Variants in PGM1 observed in about 807,000 individuals in gnomAD.
PGM1 encodes phosphoglucomutase-1.
Under a neutral mutation model 55.6 loss-of-function variants are expected in PGM1, and 52 were observed. The ratio of observed to expected loss-of-function variants is 0.94; its 90% CI spans 0.75 to 1.18. PGM1 has a LOEUF of 1.18. PGM1 is among the 50% of genes most tolerant of loss of function. PGM1 has a pLI of 0.00. For missense variants in PGM1, 724 were observed against 729.3 expected (o/e 0.99, Z 0.08); for synonymous variants, 287 against 271.7 (o/e 1.06, Z -0.55).
chr1:63,620,309 C>T (rs1648848352), intron 1 of PGM1, among the ~76,000 whole-genome samples: 1 of 152,202 alleles, frequency 6.6e-6, no homozygotes, highest in African/African-American at 2.4e-5. Flanking sequence ...CCGTTTTCCA[C>T]TCTTGGGGAC....
Position 63,628,501 on chromosome 1 carries a change from C to T in PGM1, c.247-924C>T, listed in dbSNP as rs1037498730. On this transcript the variant is annotated intron_variant, in intron 1 of 10. Transcript: ENST00000371084. Reference sequence around the variant, plus strand: ...ACGGACATTTTCAACACTAGAAACACATCTTCCACCATCAAGTTGTTTCTT... The same window carrying T: ...ACGGACATTTTCAACACTAGAAACATATCTTCCACCATCAAGTTGTTTCTT... Among the ~76,000 whole-genome samples, 14 of 152,186 alleles carry T rather than the reference C, an allele frequency of 9.2e-5. No individual in the cohort carries two copies. The East Asian group carries it at 2.7e-3, about 29-fold the overall frequency.
chr1:63,623,399 A>C (rs1648935530), intron 1 of PGM1: 1 of 1,566,728 alleles, frequency 6.4e-7, no homozygotes, highest in Admixed American at 1.9e-5. Flanking sequence ...GGACAGACCT[A>C]TTTTGGAGTC....
intron 9 of PGM1, among the ~76,000 whole-genome samples, chr1:63,652,981 T>C (rs972554647): frequency 4.6e-5 from 7 of 152,174 alleles, no homozygotes; most frequent in African/African-American, 1.4e-4. Context: ...AGCTGAGGGA[T>C]GGCAGAGTGG....
chr1:63,659,353 G>A (rs896728499), intron 10 of PGM1, among the ~76,000 whole-genome samples: 1 of 152,206 alleles, frequency 6.6e-6, no homozygotes, highest in Non-Finnish European at 1.5e-5. Flanking sequence ...AGAGGAAGAT[G>A]TCAGGAGCAA....
intron 1 of PGM1, among the ~76,000 whole-genome samples, chr1:63,627,305 A>G (rs1649051337): frequency 6.6e-6 from 1 of 152,090 alleles, no homozygotes; most frequent in Non-Finnish European, 1.5e-5. Flanking sequence ...GGGACACAGA[A>G]TTATGATTTA....
At chr1:63,606,383 A>G (rs1001703525) in intron 1 of PGM1, among the ~76,000 whole-genome samples, 2 of 152,176 alleles carry the variant, frequency 1.3e-5, no homozygotes, top group African/African-American at 2.4e-5. Flanking sequence ...CCTTCCTTTC[A>G]TATCCTGGGT....
chr1:63,642,123 G>A (rs921450349), intron 7 of PGM1, among the ~76,000 whole-genome samples: 1 of 152,150 alleles, frequency 6.6e-6, no homozygotes, highest in Non-Finnish European at 1.5e-5. Context: ...GGTCTTTGCG[G>A]GAAGAAATGC....
chr1:63,604,958 TG>T lies in PGM1; in HGVS notation c.246+11225del, dbSNP rs1295089493. Among the ~76,000 whole-genome samples, 488 of 134,570 alleles carry T rather than the reference TG, an allele frequency of 3.6e-3. 4 individuals are homozygous for T. Among genetic ancestry groups the T allele is most frequent in the African/African-American group, 0.015 (429 of 29,272 alleles). 88.3% of individuals were successfully genotyped at this position (134,570 alleles called of 152,430 possible). ...GTGTGTGTGTGTGTGTGTGTGTGTG[TG>T]TAAAGAGAGGGGATATAGTTGTATA... On this transcript the variant is annotated intron_variant, in intron 1 of 10. Coordinates refer to ENST00000371084, the MANE Select transcript of PGM1 (RefSeq NM_002633.3).
chr1:63,636,982 G>T (rs189076780), intron 6 of PGM1, among the ~76,000 whole-genome samples: 49 of 152,266 alleles, frequency 3.2e-4, no homozygotes, highest in Non-Finnish European at 5.7e-4. Flanking sequence ...AGGCTTTGAG[G>T]TGGCTTGTTA....
intron 10 of PGM1, among the ~76,000 whole-genome samples, chr1:63,656,948 T>A (rs1649984741): frequency 6.6e-6 from 1 of 152,160 alleles, no homozygotes; most frequent in Non-Finnish European, 1.5e-5. Context: ...TGAAATGTAC[T>A]AGGAGAATAG....
intron 5 of PGM1, among the ~76,000 whole-genome samples, chr1:63,635,347 C>G (rs1021868426): frequency 6.6e-6 from 1 of 152,188 alleles, no homozygotes; most frequent in Non-Finnish European, 1.5e-5. Flanking sequence ...TCTCAACCAG[C>G]AGCTGGCTAC....
Position 63,593,892 on chromosome 1 carries a change from C to T in PGM1, c.246+158C>T, listed in dbSNP as rs1455820185. On this transcript the variant is annotated intron_variant, in intron 1 of 10. Transcript: ENST00000371084. ...TCTCCTTCGCGCTCGCTCTTCTGGC[C>T]TGGAGGCCCGACGGAGGTCGCCGGG... is the stretch of plus-strand genomic sequence containing the variant. 4.0e-6 allele frequency: 5 copies of T among 1,261,628 alleles called. No homozygotes were observed. The African/African-American group carries it at 7.9e-5, about 20-fold the overall frequency. The allele number at this position is 1,261,628 out of a possible 1,614,324, so 78.2% of individuals were successfully genotyped here.
At chr1:63,594,885 C>G (rs1175976523) in intron 1 of PGM1, among the ~76,000 whole-genome samples, 1 of 143,840 alleles carries the variant, frequency 7.0e-6, no homozygotes, top group Admixed American at 7.2e-5. Flanking sequence ...GGCGTGAACC[C>G]GGGAGGCGGA....
intron 3 of PGM1, among the ~76,000 whole-genome samples, 178 bp downstream of exon 3, chr1:63,630,266 G>T (rs541604408): frequency 6.6e-6 from 1 of 152,058 alleles, no homozygotes; most frequent in East Asian, 1.9e-4. Flanking sequence ...CAGAGACCTG[G>T]GCTCCCTGGG....
chr1:63,649,818 GA>G (rs1649757824), intron 8 of PGM1, among the ~76,000 whole-genome samples: 1 of 152,150 alleles, frequency 6.6e-6, no homozygotes, highest in Non-Finnish European at 1.5e-5. Flanking sequence ...ATAACAGACA[GA>G]AAAACCTGGT....
Position 63,638,608 on chromosome 1 carries a change from G to T in PGM1, c.1029-77G>T, listed in dbSNP as rs555129508. On this transcript the variant is annotated intron_variant, in intron 6 of 10. Coordinates refer to ENST00000371084, the MANE Select transcript of PGM1 (RefSeq NM_002633.3). ...AAATGGGACCCTTGATTACAATAAC[G>T]ATTGCCCTTTTCCGTCCCTCACATG... 11 of 896,644 alleles carry T rather than the reference G, an allele frequency of 1.2e-5. No individual in the cohort carries two copies. In the African/African-American group the frequency reaches 1.8e-4, roughly 15 times the overall value. The allele number at this position is 896,644 out of a possible 1,614,324, so 55.5% of individuals were successfully genotyped here. A position where few individuals can be genotyped will look rare whatever the true frequency, so the allele number is the denominator to read the frequency against.
In PGM1 at chr1:63,593,545, G is replaced by A. The variant is rs764100819; in HGVS notation, c.57G>A (p.Thr19=). The change falls in exon 1 of 11, where the codon ACG becomes ACA. Residue 19 remains threonine, a synonymous_variant. Coordinates refer to ENST00000371084, the MANE Select transcript of PGM1 (RefSeq NM_002633.3). ...CGTACCAGGACCAGAAGCCGGGCAC[G>A]AGCGGGCTGCGGAAGCGGGTGAAGG... ...TQAYQDQKPG[T]SGLRKRVKVF... 6.0e-5 allele frequency: 97 copies of A among 1,613,802 alleles called. No homozygotes were observed. In the Admixed American group the frequency reaches 6.7e-4, roughly 11 times the overall value.
intron 1 of PGM1, among the ~76,000 whole-genome samples, chr1:63,597,421 C>T (rs1009783664): frequency 1.3e-5 from 2 of 152,188 alleles, no homozygotes; most frequent in African/African-American, 4.8e-5. Flanking sequence ...ACAAGTACCT[C>T]ACTTGGAAAC....
At chr1:63,634,592 C>T (rs1649311104) in intron 4 of PGM1, among the ~76,000 whole-genome samples, 1 of 152,146 alleles carries the variant, frequency 6.6e-6, no homozygotes, top group South Asian at 2.1e-4. Context: ...CCCCACTCTG[C>T]CCTTCATGAA....
Sources: gnomAD v4.1 joint callset for allele counts (sites outside exome capture counted in the v4.1 genomes callset) on GRCh38, gnomAD v4.1.1 for gene constraint, MANE v1.5 for transcripts, NCBI Gene and HGNC (gene_info 2026-07-23, HGNC 2026-07-21) for gene names.